The following BPIFB1 variants were observed in gnomAD, a reference collection of about 807,000 sequenced individuals.
BPIFB1 encodes the protein BPI fold-containing family B member 1.
BPIFB1 carries 34 observed loss-of-function variants against 55.1 expected under a neutral mutation model. The ratio of observed to expected loss-of-function variants is 0.62; its 90% confidence interval spans 0.47 to 0.82. The LOEUF (loss-of-function observed/expected upper bound fraction) is 0.82. BPIFB1 is among the 40% of genes least tolerant of loss of function. The probability of loss-of-function intolerance (pLI) is 0.00; values close to 1 mark genes in which losing one functional copy is unlikely to be tolerated. For synonymous variants in BPIFB1, 236 were observed against 245.3 expected (o/e 0.96, Z 0.35); for missense variants, 532 against 593.1 (o/e 0.90, Z 1.07).
At chr20:33,297,399 T>A in intron 6 of BPIFB1, 126 bp from the exon 7 acceptor site, 1 of 986,278 alleles carries the variant, frequency 1.0e-6, no homozygotes, top group Non-Finnish European at 1.6e-6. Flanking sequence ...AACCCATGGA[T>A]GGAACCTGGC....
intron 15 of BPIFB1, chr20:33,307,693 C>T (rs1981078964): frequency 6.6e-6 from 1 of 152,358 alleles, no homozygotes; most frequent in Admixed American, 6.5e-5. Flanking sequence ...GTGGGCAGAT[C>T]ACCTGAGGTC....
At chr20:33,303,339 T>C (rs1240888077) in intron 11 of BPIFB1, among the ~76,000 whole-genome samples, 1 of 152,152 alleles carries the variant, frequency 6.6e-6, no homozygotes, top group Non-Finnish European at 1.5e-5. Context: ...AAAGTCTAGA[T>C]GCTATTGACT....
At chr20:33,298,154 A>T (rs4911313) in intron 7 of BPIFB1, among the ~76,000 whole-genome samples, 37,367 of 152,092 alleles carry the variant, frequency 0.25, 4,701 homozygotes, top group Admixed American at 0.33. Flanking sequence ...AGAAAACTGC[A>T]GCATCAAATA....
At position 33,309,074 on chromosome 20, in the gene BPIFB1, A is replaced by C. The variant is rs1981147898; in HGVS notation, c.1396-634A>C. Among the ~76,000 whole-genome samples the C allele has an allele frequency of 6.6e-6, 1 of 152,154 alleles. No individual in the cohort carries two copies. Among genetic ancestry groups the C allele is most frequent in the East Asian group, 1.9e-4 (1 of 5,186 alleles). ...TCCCCGGTGCTCAGCATGGCCTGGCACACAGTAGGTGTTCAATAAATGCTT... is the reference window on the plus strand; with the variant it reads ...TCCCCGGTGCTCAGCATGGCCTGGCCCACAGTAGGTGTTCAATAAATGCTT... On this transcript the variant is annotated intron_variant, in intron 15 of 15. Coordinates refer to ENST00000253354, the MANE Select transcript of BPIFB1 (RefSeq NM_033197.3). The surrounding 1 kb of genome is among the most constrained non-coding windows in gnomAD (Gnocchi z 4.4).
At chr20:33,287,829 T>G (rs1001612154) in intron 2 of BPIFB1, among the ~76,000 whole-genome samples, 2 of 152,142 alleles carry the variant, frequency 1.3e-5, no homozygotes. Context: ...CAAAAGCCAC[T>G]GGGCAGTGAC....
At chr20:33,284,391 C>T (rs775788961) in intron 1 of BPIFB1, among the ~76,000 whole-genome samples, 12 of 152,114 alleles carry the variant, frequency 7.9e-5, no homozygotes, top group Non-Finnish European at 1.8e-4. Context: ...CTTCCAGAGG[C>T]TATGCAATTA....
At chr20:33,286,308 T>C (rs1415560557) in intron 2 of BPIFB1, 120 bp downstream of exon 2, 1 of 833,502 alleles carries the variant, frequency 1.2e-6, no homozygotes, top group Non-Finnish European at 1.9e-6. Flanking sequence ...TCCCAGAACG[T>C]GGGTGAACAT....
intron 4 of BPIFB1, among the ~76,000 whole-genome samples, chr20:33,290,350 T>C (rs1196354556): frequency 6.6e-6 from 1 of 152,048 alleles, no homozygotes; most frequent in African/African-American, 2.4e-5. Context: ...CTGGCTGCTG[T>C]GGGGAAAAAA....
At chr20:33,296,194 T>C (rs1040424317) in intron 6 of BPIFB1, among the ~76,000 whole-genome samples, 2 of 152,118 alleles carry the variant, frequency 1.3e-5, no homozygotes, top group African/African-American at 4.8e-5. Flanking sequence ...GACCTGCTGA[T>C]AGAAATGAAG....
chr20:33,292,711 C>T (rs1233613136), intron 6 of BPIFB1, among the ~76,000 whole-genome samples: 2 of 151,840 alleles, frequency 1.3e-5, no homozygotes, highest in Non-Finnish European at 2.9e-5. Flanking sequence ...TTTTTTTCTG[C>T]GTCAGTAAAC....
intron 4 of BPIFB1, 44 bp from the exon 5 acceptor site, chr20:33,290,913 G>A (rs754267992): frequency 1.4e-5 from 22 of 1,601,112 alleles, no homozygotes; most frequent in South Asian, 1.3e-4. Flanking sequence ...GCTCCAGCCC[G>A]AGCTTGCCTG....
At chr20:33,289,672 G>T (rs1008413805) in intron 3 of BPIFB1, among the ~76,000 whole-genome samples, 1 of 152,176 alleles carries the variant, frequency 6.6e-6, no homozygotes, top group African/African-American at 2.4e-5. Flanking sequence ...GGAGCTGGGA[G>T]TCACCACCTA....
chr20:33,291,765 T>C, intron 5 of BPIFB1, 142 bp from the exon 6 acceptor site: 1 of 700,092 alleles, frequency 1.4e-6, no homozygotes. Context: ...CAGGGGCTAC[T>C]CCCAGCCCCG....
intron 4 of BPIFB1, 67 bp from the exon 5 acceptor site, chr20:33,290,890 G>T: frequency 1.3e-6 from 2 of 1,556,684 alleles, no homozygotes; most frequent in Non-Finnish European, 8.7e-7. Context: ...AGACAGAGAC[G>T]GACGGCAGGG....
chr20:33,290,419 CAGG>C (rs1157100606), intron 4 of BPIFB1, among the ~76,000 whole-genome samples: 3 of 152,116 alleles, frequency 2.0e-5, no homozygotes, highest in Non-Finnish European at 4.4e-5. Flanking sequence ...TGCAACAATT[CAGG>C]AGGAGATAAT....
At chr20:33,304,288 G>A (rs949213271) in intron 12 of BPIFB1, among the ~76,000 whole-genome samples, 41 of 152,182 alleles carry the variant, frequency 2.7e-4, no homozygotes, top group African/African-American at 9.9e-4. Context: ...GGCCGTGGCA[G>A]TGACAGTCAC....
At position 33,286,039 on chromosome 20, in the gene BPIFB1, C is replaced by T. The variant is rs772566676; in HGVS notation, c.-35C>T. 160 of 1,601,094 alleles carry T rather than the reference C, an allele frequency of 1.0e-4. No individual in the cohort carries two copies. The highest frequency in any genetic ancestry group is 1.3e-4 in the Non-Finnish European group (156 of 1,168,594). On this transcript the variant is annotated 5_prime_UTR_variant, in exon 2 of 16. Transcript: ENST00000253354. ...CCCTCTGTGCTCACCCCAGGTCTGG[C>T]ATCCTGCACTTGCTGCCCTCTGACA...
chr20:33,288,907 G>A lies in BPIFB1; in HGVS notation c.257+25G>A, dbSNP rs537632311. On this transcript the variant is annotated intron_variant, in intron 3 of 15. Transcript: ENST00000253354. The stretch of plus-strand genomic sequence containing the variant: ...GGTGAGTGGAGCAGGACCACACCAG[G>A]AGCTAGCCCCTTCCCACACCTTTGC... The A allele has an allele frequency of 5.0e-6, 8 of 1,600,040 alleles. No homozygotes were observed. In the African/African-American group the frequency reaches 5.3e-5, roughly 11 times the overall value.
At position 33,288,750 on chromosome 20, in the gene BPIFB1, A is replaced by G. The variant is rs1980351361; in HGVS notation, c.125A>G (p.Gln42Arg). The G allele has an allele frequency of 6.2e-7, 1 of 1,613,738 alleles. No homozygotes were observed. Among genetic ancestry groups the G allele is most frequent in the Non-Finnish European group, 8.5e-7 (1 of 1,179,936 alleles). ...GPKVIKEKLT[Q>R]ELKDHNATSI... is the part of the protein sequence containing the mutation. The stretch of plus-strand genomic sequence containing the variant: ...TGGGGTCTGCCTCCAGAGCTGACAC[A>G]GGAGCTGAAGGACCACAACGCCACC... Residue 42 changes from glutamine to arginine, a missense_variant, in exon 3 of 16, where the codon CAG becomes CGG. Coordinates refer to ENST00000253354, the MANE Select transcript of BPIFB1 (RefSeq NM_033197.3).
Sources: gnomAD v4.1 joint callset for allele counts (sites outside exome capture counted in the v4.1 genomes callset) on GRCh38, gnomAD v4.1.1 for gene constraint, Gnocchi (gnomAD v3.1) non-coding constraint, MANE v1.5 for transcripts, NCBI Gene and HGNC (gene_info 2026-07-23, HGNC 2026-07-21) for gene names.